Variants in PPP2R2B observed in about 807,000 individuals in gnomAD.
PPP2R2B encodes the protein protein phosphatase 2 regulatory subunit Bbeta.
In PPP2R2B, 5 loss-of-function variants were observed where a neutral mutation model predicts 46.0. The observed-to-expected ratio is 0.11, with a 90% confidence interval of 0.06 to 0.23. The LOEUF (loss-of-function observed/expected upper bound fraction) is 0.23. Ranked by LOEUF, PPP2R2B falls within the 10% of genes least tolerant of loss-of-function variation. The pLI, the probability that PPP2R2B is intolerant of heterozygous loss-of-function variation, is 1.00. For synonymous variants in PPP2R2B, 215 were observed against 206.7 expected, an observed-to-expected ratio of 1.04 and a Z score of -0.34; for missense variants, 367 against 575.0, an observed-to-expected ratio of 0.64 and a Z score of 3.70.
At chr5:147,027,851 C>G (rs1755604427) in intron 1 of PPP2R2B, among the ~76,000 whole-genome samples, 1 of 152,080 alleles carries the variant, frequency 6.6e-6, no homozygotes, top group South Asian at 2.1e-4. Context: ...TTTAAAAATA[C>G]ATTTTCTCAA....
At chr5:146,965,804 T>C (rs1752374765) in intron 1 of PPP2R2B, among the ~76,000 whole-genome samples, 1 of 152,190 alleles carries the variant, frequency 6.6e-6, no homozygotes, top group African/African-American at 2.4e-5. Flanking sequence ...AGCATGATGG[T>C]TAATAGCTAG....
At position 146,983,587 on chromosome 5, in the gene PPP2R2B, T is replaced by C. The variant is rs189081286; in HGVS notation, c.79+72078A>G. ...GGGGGCGTCATTTTCCCAGTTCTAG[T>C]AAACTACAGAAATCTTACCTCCCTT... is the stretch of plus-strand genomic sequence containing the variant. On this transcript the variant is annotated intron_variant, in intron 1 of 8. Coordinates refer to the PPP2R2B transcript ENST00000336640. 1.9e-3 allele frequency among the ~76,000 whole-genome samples: 288 copies of C among 152,328 alleles called. 1 individual carries two copies. The highest frequency in any genetic ancestry group is 6.2e-3 in the African/African-American group (259 of 41,570).
intron 2 of PPP2R2B, among the ~76,000 whole-genome samples, chr5:146,855,027 G>T (rs762401715): frequency 4.9e-4 from 75 of 152,206 alleles, no homozygotes; most frequent in Non-Finnish European, 8.7e-4. Context: ...GGGCATAAAA[G>T]TTGGAAGCTC....
chr5:146,824,355 C>A (rs1457911667), intron 2 of PPP2R2B, among the ~76,000 whole-genome samples: 2 of 152,122 alleles, frequency 1.3e-5, no homozygotes, highest in African/African-American at 4.8e-5. Flanking sequence ...TCCTCATGAC[C>A]ATCTCTAGTT....
chr5:146,647,526 T>C (rs1775667812), intron 6 of PPP2R2B, among the ~76,000 whole-genome samples: 1 of 152,366 alleles, frequency 6.6e-6, no homozygotes, highest in African/African-American at 2.4e-5. Context: ...ATTTTACATA[T>C]GGCTGCTTTA....
intron 2 of PPP2R2B, among the ~76,000 whole-genome samples, chr5:146,740,755 GA>G (rs1044732013): frequency 1.2e-4 from 18 of 151,716 alleles, no homozygotes; most frequent in South Asian, 8.3e-4. Context: ...AGATGAACAT[GA>G]AAAAAAATTC....
At chr5:147,052,019 A>G (rs1240357643) in intron 1 of PPP2R2B, among the ~76,000 whole-genome samples, 1 of 151,754 alleles carries the variant, frequency 6.6e-6, no homozygotes, top group Non-Finnish European at 1.5e-5. Context: ...AAGGGGAAGG[A>G]GTTATGTGCT....
At chr5:146,694,113 A>G (rs1581892628) in intron 4 of PPP2R2B, among the ~76,000 whole-genome samples, 1 of 152,282 alleles carries the variant, frequency 6.6e-6, no homozygotes, top group Middle Eastern at 3.4e-3. Context: ...TTGTTCTTGG[A>G]GGTCTTAATG....
intron 1 of PPP2R2B, among the ~76,000 whole-genome samples, chr5:147,033,912 A>G (rs948137330): frequency 6.6e-6 from 1 of 152,078 alleles, no homozygotes; most frequent in Non-Finnish European, 1.5e-5. Context: ...TTATCTCCAC[A>G]CAGCAACCAA....
chr5:146,768,499 C>G (rs1754630589), intron 2 of PPP2R2B, among the ~76,000 whole-genome samples: 1 of 152,238 alleles, frequency 6.6e-6, no homozygotes, highest in Non-Finnish European at 1.5e-5. Context: ...TCATCTCTCA[C>G]TGTCCACTGT....
intron 2 of PPP2R2B, among the ~76,000 whole-genome samples, chr5:146,877,052 A>T (rs986344870): frequency 6.6e-6 from 1 of 152,248 alleles, no homozygotes; most frequent in African/African-American, 2.4e-5. Context: ...CAATGTGATA[A>T]TGCAACACTT....
intron 8 of PPP2R2B, among the ~76,000 whole-genome samples, chr5:146,598,298 T>C (rs1265151747): frequency 2.0e-5 from 3 of 152,228 alleles, no homozygotes; most frequent in Admixed American, 1.3e-4. Context: ...ACAGTTTCTC[T>C]ATTTGGCTTC....
intron 7 of PPP2R2B, among the ~76,000 whole-genome samples, chr5:146,604,853 C>A (rs1460778603): frequency 6.6e-6 from 1 of 152,162 alleles, no homozygotes; most frequent in Non-Finnish European, 1.5e-5. Context: ...CAGGGCCTTG[C>A]CTTGCTTTGT....
At chr5:146,911,124 C>A (rs563364341) in intron 1 of PPP2R2B, among the ~76,000 whole-genome samples, 26 of 150,726 alleles carry the variant, frequency 1.7e-4, no homozygotes, top group Non-Finnish European at 3.4e-4. Context: ...TGTTTTGTCC[C>A]CCAAGTTGGA....
chr5:147,004,881 A>G (rs1272107412), intron 1 of PPP2R2B, among the ~76,000 whole-genome samples: 1 of 152,150 alleles, frequency 6.6e-6, no homozygotes, highest in Non-Finnish European at 1.5e-5. Flanking sequence ...AAGGAAATTG[A>G]TATAGTAGCA....
chr5:147,009,529 G>A (rs1055975493), intron 1 of PPP2R2B, among the ~76,000 whole-genome samples: 4 of 151,994 alleles, frequency 2.6e-5, no homozygotes, highest in South Asian at 4.1e-4. Context: ...ATAATAAGAC[G>A]AAGGATGAGG....
Position 146,758,668 on chromosome 5 carries a change from TAG to T in PPP2R2B, c.71-57528_71-57527del, listed in dbSNP as rs369839833. Among the ~76,000 whole-genome samples the T allele has an allele frequency of 5.5e-4, 83 of 152,198 alleles. 1 individual carries two copies. In the East Asian group the frequency reaches 7.5e-3, roughly 14 times the overall value. The stretch of plus-strand genomic sequence containing the variant: ...CATCTAAAGAAGTACCAGTACCTAG[TAG>T]GAGCTTAATACCTACGGGTCAAATG... On this transcript the variant is annotated intron_variant, in intron 2 of 9. Transcript: ENST00000394411.
At chr5:147,043,096 T>C (rs141569538) in intron 1 of PPP2R2B, among the ~76,000 whole-genome samples, 105 of 152,282 alleles carry the variant, frequency 6.9e-4, no homozygotes, top group African/African-American at 2.3e-3. Context: ...TAATATATTA[T>C]ACACCTGTTC....
chr5:146,759,852 A>T (rs1754053250), intron 2 of PPP2R2B, among the ~76,000 whole-genome samples: 1 of 152,076 alleles, frequency 6.6e-6, no homozygotes, highest in African/African-American at 2.4e-5. Flanking sequence ...AAAAGAGCAA[A>T]ACATTTGTCA....
Sources: gnomAD v4.1 joint callset for allele counts (sites outside exome capture counted in the v4.1 genomes callset) on GRCh38, gnomAD v4.1.1 for gene constraint, MANE v1.5 for transcripts, NCBI Gene and HGNC (gene_info 2026-07-23, HGNC 2026-07-21) for gene names.